Variants in CPS1 observed in about 807,000 individuals in gnomAD.
The protein encoded by CPS1 is carbamoyl-phosphate synthase [ammonia], mitochondrial.
A neutral mutation model predicts 174.6 loss-of-function variants in CPS1; 109 were observed. That is an observed-to-expected ratio of 0.62 (90% CI 0.53 to 0.73). The LOEUF (loss-of-function observed/expected upper bound fraction) is 0.73, where lower values mean the gene tolerates loss of function less well. Ranked by LOEUF, CPS1 falls within the 30% of genes least tolerant of loss-of-function variation. The pLI, the probability that CPS1 is intolerant of heterozygous loss-of-function variation, is 0.00. For missense variants in CPS1, 1,689 were observed against 1,821.9 expected, an observed-to-expected ratio of 0.93 and a Z score of 1.33; for synonymous variants, 637 against 632.0, an observed-to-expected ratio of 1.01 and a Z score of -0.12.
intron 32 of CPS1, among the ~76,000 whole-genome samples, chr2:210,661,977 C>T (rs901203620): frequency 2.1e-5 from 3 of 143,706 alleles, no homozygotes; most frequent in Non-Finnish European, 4.5e-5. Context: ...ATGATCTCAG[C>T]TCACTGCAAC....
chr2:210,534,935 A>G (rs1189602953), intron 1 of CPS1, among the ~76,000 whole-genome samples: 2 of 152,058 alleles, frequency 1.3e-5, no homozygotes, highest in Non-Finnish European at 2.9e-5. Flanking sequence ...GCTGAGACAT[A>G]GCAGTTCTCT....
At chr2:210,608,065 CTTTA>C (rs1192422756) in intron 18 of CPS1, among the ~76,000 whole-genome samples, 6 of 151,874 alleles carry the variant, frequency 4.0e-5, no homozygotes, top group African/African-American at 1.2e-4. Context: ...AAAGGTTAAA[CTTTA>C]TTTATCAATA....
chr2:210,623,984 A>T (rs1203223328), intron 21 of CPS1, among the ~76,000 whole-genome samples: 1 of 152,154 alleles, frequency 6.6e-6, no homozygotes, highest in Non-Finnish European at 1.5e-5. Flanking sequence ...GGTAGAAAAA[A>T]ATCAACAACT....
intron 1 of CPS1, among the ~76,000 whole-genome samples, chr2:210,562,697 A>G (rs1469168272): frequency 6.6e-6 from 1 of 152,174 alleles, no homozygotes; most frequent in African/African-American, 2.4e-5. Flanking sequence ...CACGTATGTT[A>G]TATAGCCTTA....
intron 1 of CPS1, among the ~76,000 whole-genome samples, chr2:210,496,094 C>T (rs1694984684): frequency 6.6e-6 from 1 of 152,076 alleles, no homozygotes; most frequent in African/African-American, 2.4e-5. Context: ...CCAACATGCC[C>T]TGTAGTCCAT....
intron 1 of CPS1, among the ~76,000 whole-genome samples, chr2:210,522,618 G>A (rs1695856838): frequency 6.6e-6 from 1 of 151,928 alleles, no homozygotes; most frequent in African/African-American, 2.4e-5. Flanking sequence ...GGCTACCAAG[G>A]AACATCCTTA....
chr2:210,505,357 A>C (rs1695249704), intron 1 of CPS1, among the ~76,000 whole-genome samples: 1 of 152,026 alleles, frequency 6.6e-6, no homozygotes, highest in Non-Finnish European at 1.5e-5. Flanking sequence ...CTTGCTAGAA[A>C]ACAGTGATAA....
At chr2:210,502,188 T>G (rs1695157187) in intron 1 of CPS1, among the ~76,000 whole-genome samples, 1 of 151,978 alleles carries the variant, frequency 6.6e-6, no homozygotes, top group Non-Finnish European at 1.5e-5. Flanking sequence ...ACGTGGAGAT[T>G]ATCACAACTC....
At chr2:210,489,459 C>T (rs1033047681) in intron 1 of CPS1, among the ~76,000 whole-genome samples, 1 of 152,142 alleles carries the variant, frequency 6.6e-6, no homozygotes, top group South Asian at 2.1e-4. Flanking sequence ...CTTCCTTGCA[C>T]ATTGACCTTA....
chr2:210,509,080 AAG>A (rs1695374919), intron 1 of CPS1, among the ~76,000 whole-genome samples: 1 of 152,220 alleles, frequency 6.6e-6, no homozygotes, highest in African/African-American at 2.4e-5. Flanking sequence ...ACAACAAAAA[AAG>A]AGAATTTTAG....
chr2:210,668,433 T>G, intron 34 of CPS1, 149 bp downstream of exon 34: 1 of 700,168 alleles, frequency 1.4e-6, no homozygotes, highest in Admixed American at 2.1e-5. Flanking sequence ...ACATTTGTTC[T>G]CTATTTGCTT....
intron 26 of CPS1, 130 bp downstream of exon 26, chr2:210,648,187 A>C (rs1700441057): frequency 2.2e-6 from 2 of 910,830 alleles, no homozygotes; most frequent in African/African-American, 3.3e-5. Flanking sequence ...TAGTGAATTT[A>C]AAGTTGTTGT....
chr2:210,617,578 C>G (rs1339624001), intron 21 of CPS1: 1 of 151,948 alleles, frequency 6.6e-6, no homozygotes, highest in Non-Finnish European at 1.5e-5. Flanking sequence ...GGTAATAAAA[C>G]ACTTGCTTTT....
intron 1 of CPS1, among the ~76,000 whole-genome samples, chr2:210,509,102 C>A (rs1695375795): frequency 6.6e-6 from 1 of 152,292 alleles, no homozygotes; most frequent in African/African-American, 2.4e-5. Context: ...GACCAAGATC[C>A]CTGATGAACA....
Position 210,677,879 on chromosome 2 carries a change from A to G in CPS1, c.4405-8A>G, listed in dbSNP as rs1559142600. Reference sequence around the variant, plus strand: ...GGAGGGTGCTGATTCCTACCATTATATTTTCAGGTGACCAAACTTTTTGCT... The same window carrying G: ...GGAGGGTGCTGATTCCTACCATTATGTTTTCAGGTGACCAAACTTTTTGCT... On this transcript the variant is annotated splice_region_variant and splice_polypyrimidine_tract_variant and intron_variant, in intron 37 of 37. Transcript: ENST00000233072. 1 of 1,609,006 alleles carries G rather than the reference A, an allele frequency of 6.2e-7. No homozygotes were observed. Among genetic ancestry groups the G allele is most frequent in the Non-Finnish European group, 8.5e-7 (1 of 1,175,338 alleles).
In CPS1 at chr2:210,534,577, G is replaced by C. The variant is rs145579638; in HGVS notation, c.4-22142G>C. Among the ~76,000 whole-genome samples, 423 of 152,242 alleles carry C rather than the reference G, an allele frequency of 2.8e-3. 2 individuals carry two copies. The highest frequency in any genetic ancestry group is 4.5e-3 in the Non-Finnish European group (304 of 68,006). On this transcript the variant is annotated intron_variant, in intron 1 of 38. Transcript: ENST00000430249. ...GGAATAAGCAGTAAATTTTGAAGAGGTCTCAGTGAATCTACTTGACATGGA... is the reference window on the plus strand; with the variant it reads ...GGAATAAGCAGTAAATTTTGAAGAGCTCTCAGTGAATCTACTTGACATGGA...
chr2:210,558,569 T>A (rs1696994780), intron 1 of CPS1, among the ~76,000 whole-genome samples: 1 of 151,988 alleles, frequency 6.6e-6, no homozygotes, highest in Admixed American at 6.6e-5. Context: ...TACTTCAAAG[T>A]TGGGTGACTT....
At chr2:210,637,662 T>G in intron 21 of CPS1, 40 bp from the exon 22 acceptor site, 1 of 1,611,190 alleles carries the variant, frequency 6.2e-7, no homozygotes, top group South Asian at 1.1e-5. Flanking sequence ...TTTATTGTTT[T>G]TGGTCTAAAC....
intron 1 of CPS1, among the ~76,000 whole-genome samples, chr2:210,564,390 T>G (rs1017623544): frequency 1.3e-5 from 2 of 152,136 alleles, no homozygotes; most frequent in African/African-American, 4.8e-5. Flanking sequence ...ATTTTTTTTT[T>G]TTTGAGATGG....
Sources: allele counts gnomAD v4.1 joint callset (sites outside exome capture counted in the v4.1 genomes callset), GRCh38; gene constraint gnomAD v4.1.1; transcripts MANE v1.5; gene names NCBI Gene and HGNC (gene_info 2026-07-23, HGNC 2026-07-21).